OTUD7B: variants seen among roughly 807,000 people sequenced by gnomAD.
OTUD7B encodes the protein OTU domain-containing protein 7B.
OTUD7B carries 34 observed loss-of-function variants against 82.2 expected under a neutral mutation model. The ratio of observed to expected loss-of-function variants is 0.41; its 90% CI spans 0.31 to 0.55. The LOEUF (loss-of-function observed/expected upper bound fraction) is 0.55. Among genes scored for constraint, OTUD7B ranks in the 20% least tolerant of loss-of-function variants. The pLI is 0.20. For missense variants in OTUD7B, 944 were observed against 1,062.1 expected, an observed-to-expected ratio of 0.89 and a Z score of 1.55; for synonymous variants, 398 against 402.7, an observed-to-expected ratio of 0.99 and a Z score of 0.14.
chr1:150,007,253 G>T (rs1652730224), intron 1 of OTUD7B, among the ~76,000 whole-genome samples: 2 of 152,168 alleles, frequency 1.3e-5, no homozygotes, highest in Admixed American at 1.3e-4. Flanking sequence ...ATAAGGAAAA[G>T]AAGTTAACTT....
intron 1 of OTUD7B, among the ~76,000 whole-genome samples, chr1:149,992,150 G>A (rs112529147): frequency 0.022 from 3,336 of 152,126 alleles, 119 homozygotes; most frequent in African/African-American, 0.076. Flanking sequence ...ACTTGAACCC[G>A]GGAGGCGGAG....
chr1:149,950,784 TTTTTGTTTTTTTTTC>T (rs1648134802), intron 7 of OTUD7B, among the ~76,000 whole-genome samples: 1 of 254 alleles, frequency 3.9e-3, no homozygotes, highest in Non-Finnish European at 0.012. Context: ...TCCCGTGTGT[TTTTTGTTTTTTTTTC>T]TTTTTTTTTT....
At chr1:149,976,125 G>A (rs1431515706) in intron 2 of OTUD7B, among the ~76,000 whole-genome samples, 4 of 152,058 alleles carry the variant, frequency 2.6e-5, no homozygotes, top group African/African-American at 7.2e-5. Flanking sequence ...CTCTCCTCAC[G>A]GGTAGCCAAG....
At chr1:150,028,124 G>A in the OTUD7B span, among the ~76,000 whole-genome samples, 1 of 152,176 alleles carries the variant, frequency 6.6e-6, no homozygotes, top group African/African-American at 2.4e-5. Flanking sequence ...TCTCAAAAGA[G>A]TTATTTATTT....
chr1:149,957,464 A>G (rs1248421466), intron 7 of OTUD7B, among the ~76,000 whole-genome samples: 5 of 148,396 alleles, frequency 3.4e-5, no homozygotes, highest in African/African-American at 5.3e-5. Flanking sequence ...GTGTCTCCCA[A>G]TTAGGCTACT....
At chr1:150,047,148 T>C in the OTUD7B span, among the ~76,000 whole-genome samples, 126 of 152,172 alleles carry the variant, frequency 8.3e-4, 1 homozygote, top group Non-Finnish European at 1.4e-3. Context: ...CCGCTGTCAA[T>C]CACTCAGCTA....
upstream of OTUD7B, among the ~76,000 whole-genome samples, chr1:150,012,571 A>G (rs1433312978): frequency 6.6e-6 from 1 of 152,198 alleles, no homozygotes; most frequent in Non-Finnish European, 1.5e-5. Flanking sequence ...CGCCACTGCC[A>G]CAGACTTAAT....
chr1:149,981,985 T>C (rs1181195088), intron 1 of OTUD7B, among the ~76,000 whole-genome samples: 1 of 151,920 alleles, frequency 6.6e-6, no homozygotes, highest in Non-Finnish European at 1.5e-5. Context: ...CTGTCTCTAC[T>C]ACAAATACAA....
the OTUD7B span, among the ~76,000 whole-genome samples, chr1:150,044,406 C>A: frequency 2.6e-5 from 4 of 151,890 alleles, no homozygotes; most frequent in South Asian, 8.3e-4. Context: ...TGGGATTTCA[C>A]CATGTTGGCC....
upstream of OTUD7B, among the ~76,000 whole-genome samples, chr1:150,013,440 T>G (rs1653157682): frequency 2.0e-5 from 3 of 152,160 alleles, no homozygotes; most frequent in African/African-American, 7.2e-5. Context: ...CTATTTACAT[T>G]TATATGCTTT....
intron 2 of OTUD7B, among the ~76,000 whole-genome samples, chr1:149,973,487 T>C (rs1553777985): frequency 6.6e-6 from 1 of 152,194 alleles, no homozygotes; most frequent in Non-Finnish European, 1.5e-5. Context: ...GTTGTTGTTG[T>C]TGTTATTGTT....
chr1:150,054,409 A>T, the OTUD7B span: 1 of 537,744 alleles, frequency 1.9e-6, no homozygotes. Flanking sequence ...TCCTCAATCA[A>T]GTTCCTCTAC....
At chr1:150,041,619 C>T in the OTUD7B span, among the ~76,000 whole-genome samples, 20 of 152,334 alleles carry the variant, frequency 1.3e-4, no homozygotes, top group Non-Finnish European at 2.9e-4. Context: ...CAGGCGTGAG[C>T]CACTGCACCT....
the OTUD7B span, among the ~76,000 whole-genome samples, chr1:150,027,991 T>C: frequency 6.6e-6 from 1 of 152,200 alleles, no homozygotes. Context: ...CATATCACTA[T>C]CTGAATCACA....
intron 10 of OTUD7B, 148 bp from the exon 11 acceptor site, chr1:149,947,483 T>A (rs1241344224): frequency 9.1e-6 from 5 of 549,974 alleles, no homozygotes; most frequent in African/African-American, 5.7e-5. Flanking sequence ...TAATAAGCTT[T>A]ATGACCTTGA....
intron 1 of OTUD7B, among the ~76,000 whole-genome samples, chr1:150,003,295 C>T (rs1277618334): frequency 6.6e-6 from 1 of 151,762 alleles, no homozygotes; most frequent in African/African-American, 2.4e-5. Flanking sequence ...TCCAGCGTTG[C>T]CTACCTCTTC....
rs1192799551 is a variant in OTUD7B, at chr1:149,940,764, C to G, written c.*3093G>C. The G allele has an allele frequency of 1.3e-5, 2 of 152,120 alleles. No homozygotes were observed. Among genetic ancestry groups the G allele is most frequent in the African/African-American group, 4.8e-5 (2 of 41,394 alleles). 9.4% of individuals were successfully genotyped at this position (152,120 alleles called of 1,614,324 possible). On this transcript the variant is annotated 3_prime_UTR_variant, in exon 12 of 12. Transcript: ENST00000581312. ...ATGCCCCTTCTTTCCTTCTCCCCAA[C>G]CCAGTAACGACATGGGCTTGCCTCT...
the OTUD7B span, among the ~76,000 whole-genome samples, chr1:150,019,285 C>A: frequency 1.4e-3 from 217 of 152,338 alleles, 1 homozygote; most frequent in African/African-American, 5.1e-3. Context: ...CTCCCATCTA[C>A]TCTTCACACC....
chr1:150,014,058 ATGTG>A (rs782449466), upstream of OTUD7B, among the ~76,000 whole-genome samples: 64 of 87,460 alleles, frequency 7.3e-4, no homozygotes, highest in African/African-American at 1.3e-3. Flanking sequence ...GTGTATATAT[ATGTG>A]TGTGTGTGTG....
Sources: gnomAD v4.1 joint callset for allele counts (sites outside exome capture counted in the v4.1 genomes callset) on GRCh38, gnomAD v4.1.1 for gene constraint, MANE v1.5 for transcripts, NCBI Gene and HGNC (gene_info 2026-07-23, HGNC 2026-07-21) for gene names.